PRIM2: variants seen among roughly 807,000 people sequenced by gnomAD.
The protein encoded by PRIM2 is DNA primase large subunit.
PRIM2 carries 39 observed loss-of-function variants against 67.3 expected under a neutral mutation model. The ratio of observed to expected loss-of-function variants is 0.58; its 90% CI spans 0.45 to 0.76. The LOEUF (loss-of-function observed/expected upper bound fraction) is 0.76. PRIM2 is among the 30% of genes least tolerant of loss of function. The pLI, the probability that PRIM2 is intolerant of heterozygous loss-of-function variation, is 0.00. For missense variants in PRIM2, 398 were observed against 598.7 expected (o/e 0.66, Z 3.50); for synonymous variants, 143 against 198.7 (o/e 0.72, Z 2.36).
intron 6 of PRIM2, among the ~76,000 whole-genome samples, chr6:57,381,675 T>C (rs1022203902): frequency 2.0e-5 from 3 of 152,200 alleles, no homozygotes; most frequent in Non-Finnish European, 2.9e-5. Flanking sequence ...TGATGCAGAA[T>C]ACAAAGTGGG....
At chr6:57,252,007 C>A in the PRIM2 span, among the ~76,000 whole-genome samples, 8 of 152,176 alleles carry the variant, frequency 5.3e-5, no homozygotes. Context: ...AGTTGCCTAG[C>A]ATTAATTTTC....
chr6:57,602,509 C>A (rs1562800962), intron 11 of PRIM2, among the ~76,000 whole-genome samples: 1 of 152,222 alleles, frequency 6.6e-6, no homozygotes, highest in East Asian at 1.9e-4. Context: ...GTTTGAAAAC[C>A]ATGGGTCCAG....
intron 7 of PRIM2, among the ~76,000 whole-genome samples, chr6:57,498,260 A>G (rs1774050102): frequency 6.6e-6 from 1 of 152,014 alleles, no homozygotes; most frequent in Admixed American, 6.6e-5. Flanking sequence ...TTCATCTTTA[A>G]TTTACTAGAC....
At chr6:57,304,060 C>T in the PRIM2 span, among the ~76,000 whole-genome samples, 2 of 152,056 alleles carry the variant, frequency 1.3e-5, no homozygotes, top group Admixed American at 1.3e-4. Context: ...CTATGCTTAC[C>T]AGTACATTTT....
chr6:57,516,775 CTT>C (rs1774497398), intron 8 of PRIM2, among the ~76,000 whole-genome samples: 2 of 152,074 alleles, frequency 1.3e-5, no homozygotes, highest in African/African-American at 4.8e-5. Context: ...TAAAGGAACT[CTT>C]ACTGGTTGCC....
chr6:57,280,028 G>A, the PRIM2 span, among the ~76,000 whole-genome samples: 1 of 152,144 alleles, frequency 6.6e-6, no homozygotes, highest in East Asian at 1.9e-4. Context: ...GAGAGAGACA[G>A]ACCAGATAAC....
At chr6:57,485,020 T>A (rs1773722010) in intron 7 of PRIM2, among the ~76,000 whole-genome samples, 1 of 152,208 alleles carries the variant, frequency 6.6e-6, no homozygotes. Context: ...AAAAGTACTG[T>A]TGAATGGATG....
the PRIM2 span, among the ~76,000 whole-genome samples, chr6:57,283,890 A>T: frequency 1.3e-5 from 2 of 151,972 alleles, no homozygotes; most frequent in Admixed American, 6.6e-5. Context: ...TTTTTTTTTA[A>T]AAGCTAACTC....
At chr6:57,640,938 A>C (rs1777220257) in intron 13 of PRIM2, among the ~76,000 whole-genome samples, 1 of 115,182 alleles carries the variant, frequency 8.7e-6, no homozygotes, top group Non-Finnish European at 2.0e-5. Context: ...CTAAGCAAAA[A>C]AACAAAAAAA....
intron 5 of PRIM2, among the ~76,000 whole-genome samples, chr6:57,361,756 C>G (rs1011732786): frequency 3.2e-4 from 49 of 151,754 alleles, no homozygotes; most frequent in African/African-American, 1.2e-3. Flanking sequence ...TTATGTGTGT[C>G]CAGCATTGTG....
At chr6:57,539,638 GTGTGTGTGTGTGTGTGTGTATATA>G (rs1775097325) in intron 10 of PRIM2, among the ~76,000 whole-genome samples, 9 of 69,556 alleles carry the variant, frequency 1.3e-4, no homozygotes, top group East Asian at 8.9e-4. Context: ...GTGTGTGTGT[GTGTGTGTGTGTGTGTGTGTATATA>G]TATATATATA....
At chr6:57,443,820 A>T (rs964711146) in intron 7 of PRIM2, among the ~76,000 whole-genome samples, 8 of 149,130 alleles carry the variant, frequency 5.4e-5, no homozygotes, top group Middle Eastern at 3.4e-3. Context: ...GGGTCAAATT[A>T]AAAAAAAAAG....
At chr6:57,623,486 G>GAAA (rs1776893998) in intron 12 of PRIM2, among the ~76,000 whole-genome samples, 2 of 152,072 alleles carry the variant, frequency 1.3e-5, no homozygotes, top group East Asian at 3.8e-4. Context: ...TGTTTATATA[G>GAAA]TTACACATCT....
chr6:57,534,374 ATTG>A (rs1299360857), intron 9 of PRIM2, among the ~76,000 whole-genome samples: 2 of 151,990 alleles, frequency 1.3e-5, no homozygotes, highest in Non-Finnish European at 2.9e-5. Context: ...TACTGGCGCT[ATTG>A]TTGTTATTGT....
At chr6:57,482,610 A>C (rs1208516150) in intron 7 of PRIM2, among the ~76,000 whole-genome samples, 5 of 152,176 alleles carry the variant, frequency 3.3e-5, no homozygotes, top group Admixed American at 1.3e-4. Flanking sequence ...CACAGGAGAA[A>C]CGTTTATATA....
intron 7 of PRIM2, among the ~76,000 whole-genome samples, chr6:57,387,062 C>G (rs1432889501): frequency 6.6e-6 from 1 of 152,216 alleles, no homozygotes; most frequent in East Asian, 1.9e-4. Context: ...TTGATAGGAA[C>G]TCTGTGGCCC....
intron 5 of PRIM2, among the ~76,000 whole-genome samples, chr6:57,326,893 CTTTTTTTTTT>C (rs70989764): frequency 7.6e-6 from 1 of 131,488 alleles, no homozygotes; most frequent in Non-Finnish European, 1.6e-5. Context: ...GAATTTGTAT[CTTTTTTTTTT>C]TTTTTTTTTT....
chr6:57,240,091 GTTTT>G, the PRIM2 span, among the ~76,000 whole-genome samples: 1,964 of 89,618 alleles, frequency 0.022, 14 homozygotes, highest in South Asian at 0.024. Context: ...TCAATAATCT[GTTTT>G]TTTTTTTTTT....
intron 10 of PRIM2, among the ~76,000 whole-genome samples, chr6:57,560,014 A>G (rs1406510545): frequency 6.6e-6 from 1 of 152,148 alleles, no homozygotes; most frequent in Admixed American, 6.5e-5. Context: ...TGCTGCATTG[A>G]TTGACGTTTC....
Sources: allele counts gnomAD v4.1 joint callset (sites outside exome capture counted in the v4.1 genomes callset), GRCh38; gene constraint gnomAD v4.1.1; transcripts MANE v1.5; gene names NCBI Gene and HGNC (gene_info 2026-07-23, HGNC 2026-07-21).